The following ADSL variants were observed in gnomAD, a reference collection of about 807,000 sequenced individuals.
The protein encoded by ADSL is adenylosuccinate lyase.
In ADSL, 44 loss-of-function variants were observed where a neutral mutation model predicts 62.1. That is an observed-to-expected ratio of 0.71 (90% CI 0.56 to 0.91). The LOEUF is 0.91. ADSL is among the 40% of genes least tolerant of loss of function. The pLI is 0.00. For missense variants in ADSL, 531 were observed against 627.4 expected (o/e 0.85, Z 1.64); for synonymous variants, 198 against 220.5 (o/e 0.90, Z 0.90).
downstream of ADSL, among the ~76,000 whole-genome samples, chr22:40,371,685 CTTCTT>C (rs947921499): frequency 2.8e-4 from 42 of 151,798 alleles, no homozygotes; most frequent in Middle Eastern, 3.4e-3. Context: ...ATTTGTAATT[CTTCTT>C]TTCTTTTCTT....
chr22:40,363,708 C>T (rs964463961), intron 10 of ADSL, among the ~76,000 whole-genome samples: 2 of 151,124 alleles, frequency 1.3e-5, no homozygotes, highest in African/African-American at 4.9e-5. Context: ...TGTACTCCAT[C>T]CTGGGCAACA....
rs1003159011 is a variant in ADSL at position 40,366,581 on chromosome 22, A to G, written c.*59A>G. The G allele has an allele frequency of 5.6e-6, 7 of 1,252,168 alleles. No homozygotes were observed. In the African/African-American group the frequency reaches 8.9e-5, roughly 16 times the overall value. 77.6% of individuals were successfully genotyped at this position (1,252,168 alleles called of 1,614,324 possible). On this transcript the variant is annotated 3_prime_UTR_variant, in exon 13 of 13. Coordinates refer to ENST00000623063, the MANE Select transcript of ADSL (RefSeq NM_000026.4). ...ATTGCTGAGGCATGAAAATTGTGTT[A>G]CTATAATGCCTTATTTTACCTCGAG...
chr22:40,376,652 AG>A (rs1283958383), intron 2 of ADSL: 1 of 152,192 alleles, frequency 6.6e-6, no homozygotes, highest in Non-Finnish European at 1.5e-5. Context: ...ATGTATTGCT[AG>A]TATTATGCCC....
At chr22:40,356,371 C>T (rs1308578104) in intron 4 of ADSL, among the ~76,000 whole-genome samples, 1 of 151,062 alleles carries the variant, frequency 6.6e-6, no homozygotes, top group Non-Finnish European at 1.5e-5. Context: ...TCCATGTGTG[C>T]TAAAAATAAC....
downstream of ADSL, chr22:40,373,013 T>C (rs547923048): frequency 6.6e-6 from 1 of 152,338 alleles, no homozygotes; most frequent in South Asian, 2.1e-4. Flanking sequence ...CCTGTTTCTT[T>C]GCCATCACAT....
At chr22:40,383,633 G>A (rs1238543257) in intron 2 of ADSL, among the ~76,000 whole-genome samples, 2 of 152,094 alleles carry the variant, frequency 1.3e-5, no homozygotes, top group Admixed American at 1.3e-4. Context: ...TATAAATAAA[G>A]GCACAGAGGC....
chr22:40,371,995 A>G (rs958789280), downstream of ADSL, among the ~76,000 whole-genome samples: 1 of 149,942 alleles, frequency 6.7e-6, no homozygotes, highest in Non-Finnish European at 1.5e-5. Flanking sequence ...CCACTGCGCC[A>G]GGCCCGATTA....
At chr22:40,352,117 T>A (rs1178180997) in intron 2 of ADSL, 1 of 152,246 alleles carries the variant, frequency 6.6e-6, no homozygotes, top group East Asian at 1.9e-4. Context: ...TATCGACATG[T>A]GTTGGAGCTA....
chr22:40,377,373 CTGT>C (rs1250011406), intron 2 of ADSL, among the ~76,000 whole-genome samples: 5 of 152,264 alleles, frequency 3.3e-5, no homozygotes, highest in Admixed American at 2.6e-4. Context: ...ACTAGAGCTG[CTGT>C]TGTTTTCAAC....
At chr22:40,362,441 C>T (rs2044827415) in intron 9 of ADSL, among the ~76,000 whole-genome samples, 1 of 152,186 alleles carries the variant, frequency 6.6e-6, no homozygotes, top group Non-Finnish European at 1.5e-5. Flanking sequence ...AAGACCCTAG[C>T]AACAGTTTGG....
In ADSL at chr22:40,368,584, C is replaced by A. The variant is rs1272505901; in HGVS notation, c.*2062C>A. ...GCAAGCAAGCAGGGATAGCATAGAG[C>A]CATTTGCTCAACTTCCAGAAAGAGT... On this transcript the variant is annotated 3_prime_UTR_variant, in exon 13 of 13. Coordinates refer to ENST00000623063, the MANE Select transcript of ADSL (RefSeq NM_000026.4). 6.6e-6 allele frequency: 1 copy of A among 152,062 alleles called. No homozygotes were observed. Among genetic ancestry groups the A allele is most frequent in the Non-Finnish European group, 1.5e-5 (1 of 68,036 alleles). 9.4% of individuals were successfully genotyped at this position (152,062 alleles called of 1,614,324 possible).
At chr22:40,384,959 A>G (rs1258480220) in intron 2 of ADSL, among the ~76,000 whole-genome samples, 1 of 152,234 alleles carries the variant, frequency 6.6e-6, no homozygotes, top group Non-Finnish European at 1.5e-5. Context: ...GGAATCCATT[A>G]GGAATGGACT....
intron 2 of ADSL, among the ~76,000 whole-genome samples, chr22:40,376,056 GA>G (rs375491013): frequency 1.2e-4 from 16 of 138,746 alleles, no homozygotes; most frequent in Middle Eastern, 3.8e-3. Context: ...CAAAAAACTG[GA>G]AAAAAAAAAA....
intron 4 of ADSL, 35 bp downstream of exon 4, chr22:40,354,362 A>G: frequency 1.3e-6 from 2 of 1,525,938 alleles, no homozygotes; most frequent in Non-Finnish European, 1.8e-6. Flanking sequence ...TTATGTGCAT[A>G]TGGCTTTCAG....
Position 40,364,940 on chromosome 22 carries a change from G to GGGGGTGACAAT in ADSL, c.1254_1264dup (p.Asp422GlyfsTer7). ...GGCAGCTTCTGTGGTTAAGCAGGAA[G>GGGGGTGACAAT]GGGGTGACAATGACCTCATAGAGCG... On this transcript the variant is annotated frameshift_variant, in exon 12 of 13. Transcript: ENST00000623063. LOFTEE classifies it high-confidence loss of function. 3 of 1,614,210 alleles carry GGGGGTGACAAT rather than the reference G, an allele frequency of 1.9e-6. No individual in the cohort carries two copies. The highest frequency in any genetic ancestry group is 2.5e-6 in the Non-Finnish European group (3 of 1,180,036).
intron 2 of ADSL, chr22:40,376,178 C>CTTTTTTTTTTTTTT (rs10616868): frequency 1.2e-5 from 1 of 86,844 alleles, no homozygotes; most frequent in Non-Finnish European, 2.3e-5. Context: ...CAAATTACCA[C>CTTTTTTTTTTTTTT]TTTTTTTTTT....
chr22:40,373,040 G>A (rs1366959199), downstream of ADSL: 1 of 152,156 alleles, frequency 6.6e-6, no homozygotes, highest in Admixed American at 6.5e-5. Context: ...CACAGACTTA[G>A]GGAATCTAGA....
intron 2 of ADSL, among the ~76,000 whole-genome samples, chr22:40,386,385 G>A (rs1030270669): frequency 3.9e-5 from 6 of 152,004 alleles, no homozygotes; most frequent in South Asian, 2.1e-4. Flanking sequence ...ACCTCGTGAC[G>A]TATCTTCTGG....
chr22:40,358,515 T>C (rs1415700822), intron 4 of ADSL, among the ~76,000 whole-genome samples: 3 of 152,048 alleles, frequency 2.0e-5, no homozygotes, highest in Non-Finnish European at 4.4e-5. Flanking sequence ...GCTCCAGAGG[T>C]CGAGGCTACA....
Sources: allele counts gnomAD v4.1 joint callset (sites outside exome capture counted in the v4.1 genomes callset), GRCh38; gene constraint gnomAD v4.1.1; transcripts MANE v1.5; gene names NCBI Gene and HGNC (gene_info 2026-07-23, HGNC 2026-07-21).